The following PCDH15 variants were observed in gnomAD, a reference collection of about 807,000 sequenced individuals.
The protein encoded by PCDH15 is protocadherin related 15.
Under a neutral mutation model 178.5 loss-of-function variants are expected in PCDH15, and 129 were observed. The ratio of observed to expected loss-of-function variants is 0.72; its 90% CI spans 0.63 to 0.84. The LOEUF (loss-of-function observed/expected upper bound fraction) is 0.84. Among genes scored for constraint, PCDH15 ranks in the 40% least tolerant of loss-of-function variants. The pLI is 0.00. For synonymous variants in PCDH15, 800 were observed against 732.0 expected (o/e 1.09, Z -1.50); for missense variants, 2,230 against 2,099.9 (o/e 1.06, Z -1.21).
chr10:54,460,452 A>C (rs568376290), intron 3 of PCDH15, among the ~76,000 whole-genome samples: 1 of 152,208 alleles, frequency 6.6e-6, no homozygotes, highest in Non-Finnish European at 1.5e-5. Context: ...CAGAAAAAAT[A>C]TTTGGAGACA....
intron 17 of PCDH15, among the ~76,000 whole-genome samples, chr10:54,068,207 C>T (rs1040591802): frequency 3.3e-5 from 5 of 152,016 alleles, no homozygotes; most frequent in Non-Finnish European, 7.4e-5. Flanking sequence ...TATCCCAAGC[C>T]TCTATAAATT....
At chr10:55,454,482 A>G (rs1162707781) in intron 2 of PCDH15, among the ~76,000 whole-genome samples, 1 of 152,138 alleles carries the variant, frequency 6.6e-6, no homozygotes, top group South Asian at 2.1e-4. Context: ...CTATCTTAGA[A>G]GTTTAGCTAG....
chr10:54,418,246 T>C (rs1460309228), intron 3 of PCDH15, among the ~76,000 whole-genome samples: 1 of 152,166 alleles, frequency 6.6e-6, no homozygotes, highest in African/African-American at 2.4e-5. Context: ...TACTAAATGG[T>C]GTGTATATGG....
rs189344310 is a variant in PCDH15 at position 54,964,007 on chromosome 10, A to T, written c.-79-66507T>A. Reference sequence around the variant, plus strand: ...AACTACATGTGGGGAAAAAAGAATTAGGGACAGGTAAGGAAGAGGAGTTGG... The same window carrying T: ...AACTACATGTGGGGAAAAAAGAATTTGGGACAGGTAAGGAAGAGGAGTTGG... On this transcript the variant is annotated intron_variant, in intron 2 of 5. Transcript: ENST00000458638. Among the ~76,000 whole-genome samples the T allele has an allele frequency of 5.4e-3, 830 of 152,302 alleles. 7 individuals are homozygous for T. Among genetic ancestry groups the T allele is most frequent in the South Asian group, 0.014 (70 of 4,834 alleles).
intron 14 of PCDH15, among the ~76,000 whole-genome samples, chr10:54,149,005 C>T (rs2044253905): frequency 6.6e-6 from 1 of 151,892 alleles, no homozygotes; most frequent in Non-Finnish European, 1.5e-5. Context: ...TTTAATTTTC[C>T]AGCCCCACCT....
chr10:55,131,176 C>A (rs1479755686), intron 2 of PCDH15, among the ~76,000 whole-genome samples: 2 of 152,160 alleles, frequency 1.3e-5, no homozygotes, highest in African/African-American at 2.4e-5. Flanking sequence ...CCCACAAATC[C>A]TTGGTCCTCC....
chr10:54,535,693 G>C (rs1407408717), intron 2 of PCDH15, among the ~76,000 whole-genome samples: 1 of 114,868 alleles, frequency 8.7e-6, no homozygotes, highest in Non-Finnish European at 1.6e-5. Context: ...CTGGCAGACA[G>C]AGCGAGACTC....
chr10:55,189,489 T>A (rs889053954), intron 1 of PCDH15, among the ~76,000 whole-genome samples: 1 of 151,884 alleles, frequency 6.6e-6, no homozygotes, highest in African/African-American at 2.4e-5. Context: ...GTGACTAAAG[T>A]TAGACCAGCT....
chr10:53,818,421 A>G (rs926488875), intron 33 of PCDH15: 1 of 154,240 alleles, frequency 6.5e-6, no homozygotes, highest in East Asian at 1.9e-4. Context: ...TGAAGAATGT[A>G]ATAAACATAG....
At chr10:53,984,959 C>T (rs894759219) in intron 21 of PCDH15, among the ~76,000 whole-genome samples, 9 of 152,148 alleles carry the variant, frequency 5.9e-5, no homozygotes, top group Admixed American at 5.9e-4. Flanking sequence ...TACATGTCAT[C>T]ATGTGGTTAG....
At chr10:53,870,333 C>T (rs1337539871) in intron 26 of PCDH15, among the ~76,000 whole-genome samples, 1 of 151,818 alleles carries the variant, frequency 6.6e-6, no homozygotes, top group Non-Finnish European at 1.5e-5. Context: ...CATATAAATG[C>T]CTTAATATTT....
At chr10:54,712,622 T>C (rs1338440588) in intron 1 of PCDH15, among the ~76,000 whole-genome samples, 1 of 151,884 alleles carries the variant, frequency 6.6e-6, no homozygotes, top group Admixed American at 6.6e-5. Context: ...AAAGTGTAGT[T>C]GGGGCTTTGG....
At chr10:55,347,650 T>C (rs1424313944) in intron 2 of PCDH15, among the ~76,000 whole-genome samples, 1 of 152,178 alleles carries the variant, frequency 6.6e-6, no homozygotes, top group Non-Finnish European at 1.5e-5. Context: ...TGCATTGTTA[T>C]AAATAATAGC....
chr10:54,307,098 GTGTGTGTATATATATATATATATATA>G (rs2060577783), intron 8 of PCDH15, among the ~76,000 whole-genome samples: 3 of 13,574 alleles, frequency 2.2e-4, no homozygotes, highest in Admixed American at 1.2e-3. Flanking sequence ...ATATATGTGT[GTGTGTGTATATATATATATATATATA>G]TATATATATA....
intron 2 of PCDH15, among the ~76,000 whole-genome samples, chr10:54,946,688 T>C (rs1444649735): frequency 6.6e-6 from 1 of 151,862 alleles, no homozygotes; most frequent in Non-Finnish European, 1.5e-5. Context: ...ATCCGTGCAA[T>C]GTACCTTTAA....
At chr10:53,823,251 G>A (rs2076428353) in intron 32 of PCDH15, 3 of 1,613,828 alleles carry the variant, frequency 1.9e-6, no homozygotes, top group East Asian at 2.2e-5. Context: ...TGACTTGTGA[G>A]CCTCAATAGT....
rs757898459 is a variant in PCDH15, at chr10:53,828,573, C to A, written c.4203G>T (p.Gln1401His). 3 of 1,553,626 alleles carry A rather than the reference C, an allele frequency of 1.9e-6. No individual in the cohort carries two copies. In the Admixed American group the frequency reaches 5.0e-5, roughly 26 times the overall value. ...AILVVLVSYR[Q>H]FKVRQAECTK... ...ATGTTAATTATACTTACACTTTAAACCTGTTTGGGAAAGCAAGAGTAAGAA... is the reference window on the plus strand; with the variant it reads ...ATGTTAATTATACTTACACTTTAAAACTGTTTGGGAAAGCAAGAGTAAGAA... The change falls in exon 31 of 38, where the codon CAG becomes CAT. Residue 1401 changes from glutamine to histidine, a missense_variant and splice_region_variant. Transcript: ENST00000644397.
chr10:55,215,926 G>A (rs1840690098), intron 1 of PCDH15, among the ~76,000 whole-genome samples: 1 of 151,942 alleles, frequency 6.6e-6, no homozygotes, highest in Non-Finnish European at 1.5e-5. Flanking sequence ...ATAATGCAGT[G>A]CTTGACAGTT....
intron 3 of PCDH15, among the ~76,000 whole-genome samples, chr10:54,498,942 G>A (rs1447161942): frequency 1.3e-5 from 2 of 151,812 alleles, no homozygotes; most frequent in African/African-American, 4.8e-5. Flanking sequence ...AGAGTGAAGG[G>A]GTAAGTACTA....
Sources: gnomAD v4.1 joint callset for allele counts (sites outside exome capture counted in the v4.1 genomes callset) on GRCh38, gnomAD v4.1.1 for gene constraint, MANE v1.5 for transcripts, NCBI Gene and HGNC (gene_info 2026-07-23, HGNC 2026-07-21) for gene names.